MAMDC2: variants seen among roughly 807,000 people sequenced by gnomAD.
The protein encoded by MAMDC2 is MAM domain-containing protein 2.
MAMDC2 carries 57 observed loss-of-function variants against 89.8 expected under a neutral mutation model. That is an observed-to-expected ratio of 0.63 (90% CI 0.51 to 0.79). The LOEUF (loss-of-function observed/expected upper bound fraction) is 0.79. Among genes scored for constraint, MAMDC2 ranks in the 30% least tolerant of loss-of-function variants. The probability of loss-of-function intolerance (pLI) is 0.00; values close to 1 mark genes in which losing one functional copy is unlikely to be tolerated. For synonymous variants in MAMDC2, 313 were observed against 293.4 expected (o/e 1.07, Z -0.68); for missense variants, 800 against 820.6 (o/e 0.97, Z 0.31).
intron 4 of MAMDC2, among the ~76,000 whole-genome samples, chr9:70,111,831 T>C (rs1828518273): frequency 1.3e-5 from 2 of 152,108 alleles, no homozygotes; most frequent in Admixed American, 6.6e-5. Context: ...CAGCAAGGAA[T>C]AGCTCTGTGA....
chr9:70,217,581 T>C (rs1587581202), intron 11 of MAMDC2: 1 of 1,607,456 alleles, frequency 6.2e-7, no homozygotes, highest in Middle Eastern at 2.3e-4. Context: ...CAATGGCTAC[T>C]GCTAAGGCAC....
At chr9:70,220,416 G>A (rs1023003518) in intron 12 of MAMDC2, among the ~76,000 whole-genome samples, 1 of 152,152 alleles carries the variant, frequency 6.6e-6, no homozygotes, top group Non-Finnish European at 1.5e-5. Context: ...GCTTAGAATG[G>A]AACAGATAAG....
intron 2 of MAMDC2, among the ~76,000 whole-genome samples, chr9:70,102,354 G>A (rs993071358): frequency 4.6e-5 from 7 of 152,080 alleles, no homozygotes; most frequent in African/African-American, 1.7e-4. Context: ...CGGGGCATTC[G>A]GCATTCATTA....
intron 8 of MAMDC2, among the ~76,000 whole-genome samples, chr9:70,140,596 G>A (rs769981916): frequency 7.2e-5 from 11 of 152,140 alleles, no homozygotes; most frequent in Non-Finnish European, 1.3e-4. Context: ...CTCCAGAAGA[G>A]ACATATTCCT....
chr9:70,154,954 A>G (rs1320234367), intron 9 of MAMDC2, among the ~76,000 whole-genome samples: 1 of 152,038 alleles, frequency 6.6e-6, no homozygotes, highest in Admixed American at 6.6e-5. Context: ...TGCAAATCCC[A>G]ATCCTTTCCC....
intron 2 of MAMDC2, among the ~76,000 whole-genome samples, chr9:70,079,778 C>T (rs1827613091): frequency 6.6e-6 from 1 of 152,196 alleles, no homozygotes; most frequent in African/African-American, 2.4e-5. Flanking sequence ...CTGGGATCCA[C>T]AGCTCACTGT....
At chr9:70,187,952 T>C (rs2032794078) in intron 11 of MAMDC2, among the ~76,000 whole-genome samples, 1 of 152,228 alleles carries the variant, frequency 6.6e-6, no homozygotes, top group South Asian at 2.1e-4. Flanking sequence ...AACTATTTAA[T>C]AATTGCCAGA....
intron 2 of MAMDC2, among the ~76,000 whole-genome samples, chr9:70,048,424 G>C (rs530674990): frequency 6.6e-6 from 1 of 152,182 alleles, no homozygotes; most frequent in South Asian, 2.1e-4. Flanking sequence ...TGCACCTGTA[G>C]TACCATCTAC....
At chr9:70,132,264 A>G (rs1480541232) in intron 7 of MAMDC2, among the ~76,000 whole-genome samples, 1 of 152,232 alleles carries the variant, frequency 6.6e-6, no homozygotes, top group African/African-American at 2.4e-5. Flanking sequence ...TGAATTAGAA[A>G]GCAAATGTTT....
chr9:70,183,606 C>A (rs1166001057), intron 11 of MAMDC2, among the ~76,000 whole-genome samples: 2 of 152,130 alleles, frequency 1.3e-5, no homozygotes, highest in African/African-American at 2.4e-5. Context: ...TAATGGCCTT[C>A]TTTGTCTGTT....
chr9:70,044,057 A>T lies in MAMDC2; in HGVS notation c.-141A>T. ...CGCTCTGCAAAGTTGGGCAGCTCAG[A>T]GCGCAAGCTTTGCCTCTCGACTTCT... is the stretch of plus-strand genomic sequence containing the variant. On this transcript the variant is annotated 5_prime_UTR_variant, in exon 1 of 14. Transcript: ENST00000377182. 2 of 980,404 alleles carry T rather than the reference A, an allele frequency of 2.0e-6. No individual in the cohort carries two copies. The highest frequency in any genetic ancestry group is 1.5e-6 in the Non-Finnish European group (1 of 645,732). 60.7% of individuals were successfully genotyped at this position (980,404 alleles called of 1,614,324 possible). A position where few individuals can be genotyped will look rare whatever the true frequency, so the allele number is the denominator to read the frequency against.
At chr9:70,217,831 T>A (rs1351010860) in intron 11 of MAMDC2, among the ~76,000 whole-genome samples, 2 of 152,266 alleles carry the variant, frequency 1.3e-5, no homozygotes, top group Non-Finnish European at 2.9e-5. Flanking sequence ...GTCATTATGT[T>A]ATTTAATTCT....
chr9:70,046,588 T>C (rs1826759241), intron 2 of MAMDC2, among the ~76,000 whole-genome samples: 1 of 152,152 alleles, frequency 6.6e-6, no homozygotes, highest in South Asian at 2.1e-4. Flanking sequence ...CACAACTGCC[T>C]CCCAGACCCA....
chr9:70,167,316 G>A (rs1383332009), intron 9 of MAMDC2, among the ~76,000 whole-genome samples: 1 of 152,106 alleles, frequency 6.6e-6, no homozygotes, highest in Non-Finnish European at 1.5e-5. Context: ...TTTATATTTT[G>A]CATACTGGTA....
chr9:70,218,587 GC>G lies in MAMDC2; in HGVS notation c.1903del (p.Gln635AsnfsTer4), dbSNP rs752033286. On this transcript the variant is annotated frameshift_variant, in exon 12 of 14. Transcript: ENST00000377182. LOFTEE classifies it high-confidence loss of function. ...RALIEYSCERQHQIIFEAIRG... is the reference protein window; with the variant it reads ...RALIEYSCERXHQIIFEAIRG... ...CACTGATTGAATACAGCTGTGAGAG[GC>G]AACACCAGGTAAGCCAACAGAGATA... The G allele has an allele frequency of 6.2e-7, 1 of 1,604,486 alleles. No individual in the cohort carries two copies. Among genetic ancestry groups the G allele is most frequent in the Non-Finnish European group, 8.5e-7 (1 of 1,173,386 alleles).
In MAMDC2 at chr9:70,226,712, T is replaced by C. The variant is rs534914510; in HGVS notation, c.*680T>C. 2.0e-5 allele frequency: 3 copies of C among 152,350 alleles called. No homozygotes were observed. In the South Asian group the frequency reaches 6.2e-4, roughly 32 times the overall value. 9.4% of individuals were successfully genotyped at this position (152,350 alleles called of 1,614,324 possible). ...TACCTTTGAAGTCACTATGAGCACA[T>C]GGATAGAAATTTAACTTTTTTTTGT... On this transcript the variant is annotated 3_prime_UTR_variant, in exon 14 of 14. Coordinates refer to ENST00000377182, the MANE Select transcript of MAMDC2 (RefSeq NM_153267.5).
At chr9:70,047,451 T>G (rs2117961444) in intron 2 of MAMDC2, among the ~76,000 whole-genome samples, 1 of 152,072 alleles carries the variant, frequency 6.6e-6, no homozygotes, top group South Asian at 2.1e-4. Flanking sequence ...GAACATGAGG[T>G]GTTTGGTTTT....
At chr9:70,173,059 T>C (rs2032398388) in intron 11 of MAMDC2, among the ~76,000 whole-genome samples, 1 of 152,180 alleles carries the variant, frequency 6.6e-6, no homozygotes, top group Non-Finnish European at 1.5e-5. Context: ...GGATTAAAAC[T>C]GTGTCCTCAG....
chr9:70,135,684 A>T (rs577688262), intron 7 of MAMDC2, among the ~76,000 whole-genome samples: 117 of 152,300 alleles, frequency 7.7e-4, no homozygotes, highest in African/African-American at 2.8e-3. Flanking sequence ...ATTGAGAGGA[A>T]GATACAGAGG....
Sources: gnomAD v4.1 joint callset for allele counts (sites outside exome capture counted in the v4.1 genomes callset) on GRCh38, gnomAD v4.1.1 for gene constraint, MANE v1.5 for transcripts, NCBI Gene and HGNC (gene_info 2026-07-23, HGNC 2026-07-21) for gene names.